The following NEGR1 variants were observed in gnomAD, a reference collection of about 807,000 sequenced individuals.
NEGR1 encodes IgLON family member 4.
In NEGR1, 10 loss-of-function variants were observed where a neutral mutation model predicts 40.9. The ratio of observed to expected loss-of-function variants is 0.24; its 90% CI spans 0.15 to 0.42. The LOEUF (loss-of-function observed/expected upper bound fraction) is 0.42. Among genes scored for constraint, NEGR1 ranks in the 10% least tolerant of loss-of-function variants. The probability of loss-of-function intolerance (pLI) is 1.00; values close to 1 mark genes in which losing one functional copy is unlikely to be tolerated. For synonymous variants in NEGR1, 185 were observed against 166.8 expected (o/e 1.11, Z -0.84); for missense variants, 352 against 438.9 (o/e 0.80, Z 1.77).
At chr1:71,573,656 T>A (rs1237362195) in intron 6 of NEGR1, 2 of 152,212 alleles carry the variant, frequency 1.3e-5, no homozygotes, top group Non-Finnish European at 2.9e-5. Flanking sequence ...CAATTTCTTA[T>A]TATAAATTAA....
rs559320910 is a variant in NEGR1, at chr1:71,904,387, G to C, written c.409+30692C>G. ...TAGTAAGATCACCAAAAAATAATCA[G>C]TTTGCTTTATGATACTATACATCAC... On this transcript the variant is annotated intron_variant, in intron 2 of 6. Transcript: ENST00000357731. Among the ~76,000 whole-genome samples, 20 of 152,074 alleles carry C rather than the reference G, an allele frequency of 1.3e-4. No individual in the cohort carries two copies. In the South Asian group the frequency reaches 3.3e-3, roughly 25 times the overall value.
chr1:72,068,418 G>C (rs1045819197), intron 1 of NEGR1, among the ~76,000 whole-genome samples: 6 of 152,096 alleles, frequency 3.9e-5, no homozygotes, highest in African/African-American at 1.4e-4. Flanking sequence ...CTAGCCCCTA[G>C]CTCTGGATGA....
intron 1 of NEGR1, among the ~76,000 whole-genome samples, chr1:71,990,913 T>C (rs1391559729): frequency 1.7e-5 from 2 of 119,554 alleles, no homozygotes; most frequent in South Asian, 3.0e-4. Flanking sequence ...CATATATATA[T>C]ATATATTTTT....
rs961583461 is a variant in NEGR1 at position 71,465,567 on chromosome 1, A to T, written c.941-57997T>A. ...ATCCTAGGGCTACGACCTTTTAAAA[A>T]CTTGGGTCTCCATGAACCCATTAAG... On this transcript the variant is annotated intron_variant, in intron 6 of 6. Coordinates refer to ENST00000357731, the MANE Select transcript of NEGR1 (RefSeq NM_173808.3). 8.9e-4 allele frequency among the ~76,000 whole-genome samples: 135 copies of T among 152,016 alleles called. 1 individual carries two copies. The highest frequency in any genetic ancestry group is 3.2e-3 in the African/African-American group (133 of 41,410).
chr1:72,030,539 T>C lies in NEGR1; in HGVS notation c.177-95228A>G, dbSNP rs1569850770. ...TTTATCACTTAAAATTATAATAATA[T>C]ATGTGTGATTATTTTTATTCATAAA... On this transcript the variant is annotated intron_variant, in intron 1 of 6. Coordinates refer to ENST00000357731, the MANE Select transcript of NEGR1 (RefSeq NM_173808.3). 2.0e-5 allele frequency among the ~76,000 whole-genome samples: 3 copies of C among 152,274 alleles called. No homozygotes were observed. The South Asian group carries it at 6.2e-4, about 32-fold the overall frequency.
chr1:72,124,157 A>G (rs1283644177), intron 1 of NEGR1, among the ~76,000 whole-genome samples: 1 of 152,086 alleles, frequency 6.6e-6, no homozygotes, highest in Non-Finnish European at 1.5e-5. Flanking sequence ...GGACTAAGAA[A>G]GTAAGAAAAT....
chr1:72,114,541 C>A (rs1186948662), intron 1 of NEGR1, among the ~76,000 whole-genome samples: 1 of 151,752 alleles, frequency 6.6e-6, no homozygotes, highest in Non-Finnish European at 1.5e-5. Context: ...TTTTTGTCAT[C>A]TATCTATCTG....
chr1:71,480,777 A>G (rs1646849332), intron 6 of NEGR1, among the ~76,000 whole-genome samples: 1 of 151,902 alleles, frequency 6.6e-6, no homozygotes, highest in African/African-American at 2.4e-5. Context: ...TGGCCACACT[A>G]AGAATTATGC....
intron 1 of NEGR1, among the ~76,000 whole-genome samples, chr1:72,279,870 A>G (rs1365983553): frequency 2.6e-5 from 4 of 152,222 alleles, no homozygotes; most frequent in South Asian, 4.1e-4. Context: ...AAATTAGTTT[A>G]AAACCTACAG....
intron 1 of NEGR1, among the ~76,000 whole-genome samples, chr1:71,938,325 T>C (rs1645928113): frequency 6.6e-6 from 1 of 151,434 alleles, no homozygotes; most frequent in Non-Finnish European, 1.5e-5. Context: ...AGTTTAAAGG[T>C]CTAGTATGAG....
intron 1 of NEGR1, among the ~76,000 whole-genome samples, chr1:71,936,462 TGA>T (rs1273499684): frequency 6.6e-6 from 1 of 152,154 alleles, no homozygotes; most frequent in Admixed American, 6.5e-5. Flanking sequence ...ACAGGATGCA[TGA>T]GAGATCAAAG....
chr1:71,481,670 C>T (rs1002939488), intron 6 of NEGR1, among the ~76,000 whole-genome samples: 2 of 151,874 alleles, frequency 1.3e-5, no homozygotes, highest in Admixed American at 1.3e-4. Flanking sequence ...AACACAACCA[C>T]TTTGTAAATA....
intron 1 of NEGR1, among the ~76,000 whole-genome samples, chr1:72,261,549 T>A (rs1302006369): frequency 6.6e-6 from 1 of 152,100 alleles, no homozygotes; most frequent in African/African-American, 2.4e-5. Flanking sequence ...ATTAAAAAAA[T>A]GTTTATAAAA....
At chr1:71,606,487 T>TA (rs1650080241) in intron 5 of NEGR1, among the ~76,000 whole-genome samples, 5 of 152,218 alleles carry the variant, frequency 3.3e-5, no homozygotes, top group Non-Finnish European at 7.3e-5. Context: ...TAGTGCTTAC[T>TA]GGTTTTAGTT....
intron 2 of NEGR1, among the ~76,000 whole-genome samples, chr1:71,916,136 C>G (rs1200731970): frequency 2.0e-5 from 3 of 152,096 alleles, no homozygotes; most frequent in Non-Finnish European, 4.4e-5. Flanking sequence ...GGGGGTTTCC[C>G]TGCCATTCTG....
At chr1:72,252,958 T>C (rs1049387318) in intron 1 of NEGR1, among the ~76,000 whole-genome samples, 9 of 152,326 alleles carry the variant, frequency 5.9e-5, no homozygotes, top group African/African-American at 2.2e-4. Flanking sequence ...GATATAAATT[T>C]GCAGGTTGTT....
At chr1:71,935,789 A>G (rs1264305209) in intron 1 of NEGR1, among the ~76,000 whole-genome samples, 1 of 151,880 alleles carries the variant, frequency 6.6e-6, no homozygotes, top group Non-Finnish European at 1.5e-5. Flanking sequence ...GGGTTTATTT[A>G]TTTATTTATT....
At chr1:71,927,616 C>A (rs1444441684) in intron 2 of NEGR1, among the ~76,000 whole-genome samples, 1 of 151,592 alleles carries the variant, frequency 6.6e-6, no homozygotes, top group African/African-American at 2.4e-5. Flanking sequence ...CTCTCTAGAC[C>A]TCAATAATAC....
chr1:71,985,313 G>A (rs528693319), intron 1 of NEGR1, among the ~76,000 whole-genome samples: 37 of 152,200 alleles, frequency 2.4e-4, no homozygotes, highest in African/African-American at 8.4e-4. Flanking sequence ...TCTTGAATTC[G>A]CTCCCTTCTC....
Sources: allele counts gnomAD v4.1 joint callset (sites outside exome capture counted in the v4.1 genomes callset), GRCh38; gene constraint gnomAD v4.1.1; transcripts MANE v1.5; gene names NCBI Gene and HGNC (gene_info 2026-07-23, HGNC 2026-07-21).